Variants in STK32B observed in about 807,000 individuals in gnomAD.
STK32B encodes the protein serine/threonine kinase 32B, also known as serine/threonine-protein kinase 32B.
In STK32B, 43 loss-of-function variants were observed where a neutral mutation model predicts 52.6. The observed-to-expected ratio is 0.82, with a 90% CI of 0.64 to 1.05. The LOEUF is 1.05. Ranked by LOEUF, STK32B falls within the 50% of genes least tolerant of loss-of-function variation. The pLI, the probability that STK32B is intolerant of heterozygous loss-of-function variation, is 0.00. For missense variants in STK32B, 621 were observed against 534.6 expected (o/e 1.16, Z -1.59); for synonymous variants, 238 against 204.3 (o/e 1.17, Z -1.41).
intron 4 of STK32B, among the ~76,000 whole-genome samples, chr4:5,334,543 G>C (rs374204497): frequency 0.031 from 4,134 of 133,774 alleles, 172 homozygotes; most frequent in African/African-American, 0.1. Flanking sequence ...GAGGGCATCC[G>C]TGTCTTGTGC....
intron 3 of STK32B, among the ~76,000 whole-genome samples, chr4:5,302,842 G>C (rs1729653945): frequency 6.6e-6 from 1 of 151,904 alleles, no homozygotes; most frequent in Non-Finnish European, 1.5e-5. Flanking sequence ...TAATGAGTGA[G>C]AACCTATGAA....
intron 3 of STK32B, among the ~76,000 whole-genome samples, chr4:5,201,391 T>C (rs1358904478): frequency 6.6e-6 from 1 of 152,156 alleles, no homozygotes; most frequent in African/African-American, 2.4e-5. Context: ...TGCCACAGTA[T>C]AGGCACAACC....
At chr4:5,440,937 G>C (rs1033850533) in intron 6 of STK32B, among the ~76,000 whole-genome samples, 3 of 150,806 alleles carry the variant, frequency 2.0e-5, no homozygotes, top group East Asian at 4.0e-4. Flanking sequence ...AACCAGCCTT[G>C]CATCCCAGGG....
rs2301860 is a variant in STK32B, at chr4:5,398,026, G to C, written c.435-181G>C. Reference sequence around the variant, plus strand: ...TGCACTTCCAGGAAAGAGAAGAGGCGATAAGAACACAGGTGTCCCATTATC... The same window carrying C: ...TGCACTTCCAGGAAAGAGAAGAGGCCATAAGAACACAGGTGTCCCATTATC... On this transcript the variant is annotated intron_variant, in intron 4 of 11. Transcript: ENST00000282908. This position sits in a 1 kb window ranked among gnomAD's most constrained non-coding sequence, Gnocchi z 4.9. Among the ~76,000 whole-genome samples, 7,470 of 152,282 alleles carry C rather than the reference G, an allele frequency of 0.049. 439 individuals are homozygous for C. The highest frequency in any genetic ancestry group is 0.17 in the Admixed American group (2,573 of 15,288).
chr4:5,128,733 C>G (rs970834590), intron 1 of STK32B, among the ~76,000 whole-genome samples: 6 of 152,296 alleles, frequency 3.9e-5, no homozygotes, highest in African/African-American at 1.4e-4. Context: ...AACAACTGAT[C>G]GGCTACTGGC....
At chr4:5,136,887 C>A (rs557384368) in intron 1 of STK32B, among the ~76,000 whole-genome samples, 1 of 152,328 alleles carries the variant, frequency 6.6e-6, no homozygotes, top group South Asian at 2.1e-4. Context: ...TCAAAGTCAT[C>A]TACATCCAAT....
intron 3 of STK32B, among the ~76,000 whole-genome samples, chr4:5,224,768 T>C (rs995042627): frequency 1.3e-5 from 2 of 152,336 alleles, no homozygotes; most frequent in South Asian, 2.1e-4. Flanking sequence ...TATATGGTGA[T>C]GTATTAATCA....
At chr4:5,370,959 C>T (rs974562847) in intron 4 of STK32B, among the ~76,000 whole-genome samples, 8 of 145,170 alleles carry the variant, frequency 5.5e-5, no homozygotes, top group Non-Finnish European at 9.0e-5. Flanking sequence ...GGTGACGAAG[C>T]AAGACACTAT....
intron 1 of STK32B, among the ~76,000 whole-genome samples, chr4:5,062,546 G>A (rs4374573): frequency 0.4 from 61,172 of 151,612 alleles, 12,600 homozygotes; most frequent in South Asian, 0.59. Flanking sequence ...TTGCACTGTC[G>A]CCCAGGCTGG....
chr4:5,056,718 A>C (rs1020743391), intron 1 of STK32B, among the ~76,000 whole-genome samples: 3 of 152,198 alleles, frequency 2.0e-5, no homozygotes, highest in African/African-American at 7.2e-5. Flanking sequence ...GGTATTCTTG[A>C]ATCAATTACT....
chr4:5,019,901 G>A, the STK32B span, among the ~76,000 whole-genome samples: 2 of 152,160 alleles, frequency 1.3e-5, no homozygotes, highest in African/African-American at 2.4e-5. Flanking sequence ...AGCAGGGGAT[G>A]ACTGAGCATC....
chr4:5,171,489 G>C (rs1323419179), intron 3 of STK32B, among the ~76,000 whole-genome samples: 2 of 152,132 alleles, frequency 1.3e-5, no homozygotes, highest in African/African-American at 4.8e-5. Flanking sequence ...TTTGTATAAG[G>C]TACAAGGAAG....
chr4:5,140,001 G>A, intron 2 of STK32B, 41 bp downstream of exon 2: 3 of 1,609,222 alleles, frequency 1.9e-6, no homozygotes, highest in Non-Finnish European at 2.6e-6. Context: ...TTAAGTATGT[G>A]TGTATATTTG....
chr4:5,331,120 T>G, intron 3 of STK32B, 100 bp from the exon 4 acceptor site: 1 of 1,214,582 alleles, frequency 8.2e-7, no homozygotes. Flanking sequence ...AGTGCCTCTC[T>G]CTGAGCCTCA....
At chr4:5,164,925 T>C (rs1718754999) in intron 2 of STK32B, among the ~76,000 whole-genome samples, 1 of 152,216 alleles carries the variant, frequency 6.6e-6, no homozygotes, top group African/African-American at 2.4e-5. Flanking sequence ...GTCAGGTTAA[T>C]TAAGCTGTTG....
At chr4:5,288,448 C>G (rs1728684869) in intron 3 of STK32B, among the ~76,000 whole-genome samples, 1 of 151,968 alleles carries the variant, frequency 6.6e-6, no homozygotes, top group Admixed American at 6.6e-5. Context: ...ATAAATGATC[C>G]CTTATTGTGG....
intron 6 of STK32B, among the ~76,000 whole-genome samples, chr4:5,431,249 G>A (rs191933587): frequency 1.3e-5 from 2 of 151,750 alleles, no homozygotes; most frequent in Non-Finnish European, 2.9e-5. Context: ...GCCAGATCAT[G>A]TATTACCTGT....
At chr4:5,334,461 C>G (rs1378583215) in intron 4 of STK32B, among the ~76,000 whole-genome samples, 2 of 152,092 alleles carry the variant, frequency 1.3e-5, no homozygotes, top group Non-Finnish European at 2.9e-5. Flanking sequence ...TAATTGAATA[C>G]CCTTTATTTC....
At chr4:5,455,434 A>G (rs1716415022) in intron 7 of STK32B, among the ~76,000 whole-genome samples, 1 of 152,230 alleles carries the variant, frequency 6.6e-6, no homozygotes, top group Non-Finnish European at 1.5e-5. Context: ...TGCATAGGAA[A>G]TCAGCTCCTC....
Sources: gnomAD v4.1 joint callset for allele counts (sites outside exome capture counted in the v4.1 genomes callset) on GRCh38, gnomAD v4.1.1 for gene constraint, Gnocchi (gnomAD v3.1) non-coding constraint, MANE v1.5 for transcripts, NCBI Gene and HGNC (gene_info 2026-07-23, HGNC 2026-07-21) for gene names.